The following NWD1 variants were observed in gnomAD, a reference collection of about 807,000 sequenced individuals.
NWD1 encodes NACHT and WD repeat domain containing 1.
NWD1 carries 129 observed loss-of-function variants against 135.1 expected under a neutral mutation model. That is an observed-to-expected ratio of 0.96 (90% CI 0.83 to 1.11). The LOEUF is 1.11. Among genes scored for constraint, NWD1 ranks in the 50% least tolerant of loss-of-function variants. The probability of loss-of-function intolerance (pLI) is 0.00; values close to 1 mark genes in which losing one functional copy is unlikely to be tolerated. For synonymous variants in NWD1, 773 were observed against 786.0 expected, an observed-to-expected ratio of 0.98 and a Z score of 0.28; for missense variants, 1,740 against 1,851.3, an observed-to-expected ratio of 0.94 and a Z score of 1.10.
chr19:16,761,977 A>G lies in NWD1; in HGVS notation c.1974-2A>G. On this transcript the variant is annotated splice_acceptor_variant, in intron 7 of 18. Coordinates refer to ENST00000524140, the MANE Select transcript of NWD1 (RefSeq NM_001007525.5). LOFTEE classifies it high-confidence loss of function. ...CTATCAGTCTGTATACCCTCTCTGT[A>G]GACAGCTGGTCGAGGTGGTCCGTGA... 6.2e-7 allele frequency: 1 copy of G among 1,613,570 alleles called. No individual in the cohort carries two copies. Among genetic ancestry groups the G allele is most frequent in the Non-Finnish European group, 8.5e-7 (1 of 1,179,642 alleles).
chr19:16,815,463 C>T lies in NWD1; in HGVS notation c.*424C>T. ...ATGGCTTCAGATTATGGCTTCAGAC[C>T]TTGTCTCTTCTCATCTTTCCATTAT... is the stretch of plus-strand genomic sequence containing the variant. On this transcript the variant is annotated 3_prime_UTR_variant, in exon 19 of 19. Transcript: ENST00000524140. The T allele has an allele frequency of 5.1e-6, 3 of 591,650 alleles. No homozygotes were observed. Among genetic ancestry groups the T allele is most frequent in the Non-Finnish European group, 9.0e-6 (3 of 334,618 alleles). The allele number at this position is 591,650 out of a possible 1,614,324, so 36.7% of individuals were successfully genotyped here.
chr19:16,807,895 A>C lies in NWD1; in HGVS notation c.4046A>C (p.Glu1349Ala). ...PRYTFYTQLP[E>A]TLSSVAILTD... ...TACACCTTTTACACTCAGCTGCCCG[A>C]GACCCTCTCCAGCGTGGCCATTCTG... Residue 1349 changes from glutamate to alanine, a missense_variant, in exon 18 of 19, where the codon GAG becomes GCG. By Grantham distance (107) the Glu-to-Ala change is moderately radical. Coordinates refer to ENST00000524140, the MANE Select transcript of NWD1 (RefSeq NM_001007525.5). The C allele has an allele frequency of 6.2e-7, 1 of 1,614,150 alleles. No individual in the cohort carries two copies. Among genetic ancestry groups the C allele is most frequent in the Non-Finnish European group, 8.5e-7 (1 of 1,180,038 alleles).
chr19:16,723,627 A>G (rs1044532667), intron 1 of NWD1, among the ~76,000 whole-genome samples: 1 of 152,072 alleles, frequency 6.6e-6, no homozygotes, highest in African/African-American at 2.4e-5. Flanking sequence ...GCTGATTTTA[A>G]TTTATATCCA....
At position 16,749,254 on chromosome 19, in the gene NWD1, C is replaced by A. The variant is rs779967735; in HGVS notation, c.612C>A (p.Ala204=). The part of the protein sequence containing the change: ...DLHKHILEDC[A]LRMVDRLADG... ...ACAAACACATCCTTGAAGACTGCGC[C>A]CTTAGGATGGTGGACCGGCTCGCGG... The change falls in exon 6 of 19, where the codon GCC becomes GCA. Residue 204 remains alanine (A), a synonymous_variant. Transcript: ENST00000524140. 1.2e-6 allele frequency: 2 copies of A among 1,614,060 alleles called. No individual in the cohort carries two copies. The highest frequency in any genetic ancestry group is 1.1e-5 in the South Asian group (1 of 91,082).
At chr19:16,742,842 A>T (rs1169555513) in intron 4 of NWD1, among the ~76,000 whole-genome samples, 2 of 144,604 alleles carry the variant, frequency 1.4e-5, no homozygotes, top group East Asian at 2.0e-4. Flanking sequence ...GGCTATTTTT[A>T]AAAAAATTTT....
intron 14 of NWD1, among the ~76,000 whole-genome samples, chr19:16,793,699 C>A (rs1383859699): frequency 6.6e-6 from 1 of 151,910 alleles, no homozygotes; most frequent in East Asian, 1.9e-4. Context: ...GCCTCCGCCT[C>A]CCCAGTAGCT....
At chr19:16,813,700 C>A (rs1278719439) in intron 18 of NWD1, among the ~76,000 whole-genome samples, 1 of 152,060 alleles carries the variant, frequency 6.6e-6, no homozygotes, top group African/African-American at 2.4e-5. Flanking sequence ...TGGTCTTGAA[C>A]TCCTGACCTT....
intron 12 of NWD1, among the ~76,000 whole-genome samples, chr19:16,788,754 G>A (rs886317985): frequency 3.9e-5 from 6 of 151,990 alleles, no homozygotes; most frequent in Admixed American, 3.3e-4. Flanking sequence ...TCTGTTATTA[G>A]GCATACAAGC....
intron 5 of NWD1, among the ~76,000 whole-genome samples, chr19:16,746,389 A>G (rs1339105551): frequency 7.7e-6 from 1 of 130,204 alleles, no homozygotes; most frequent in Non-Finnish European, 1.7e-5. Flanking sequence ...CAACATAAAC[A>G]GTTGGCCGGG....
rs1426984336 is a variant in NWD1, at chr19:16,750,336, A to G, written c.1694A>G (p.Gln565Arg). The change falls in exon 6 of 19, where the codon CAA (glutamine) becomes CGA (arginine). Residue 565 changes from glutamine to arginine, a missense_variant. Transcript: ENST00000524140. ...LATTAEEATH[Q>R]LCTRLEQTHG... ...ACCACCGCAGAGGAAGCCACGCACC[A>G]ACTCTGCACCCGCCTGGAGCAGACA... 1.2e-6 allele frequency: 2 copies of G among 1,612,720 alleles called. No homozygotes were observed. The highest frequency in any genetic ancestry group is 2.7e-5 in the African/African-American group (2 of 74,878).
At chr19:16,742,072 G>A (rs1457492113) in intron 4 of NWD1, among the ~76,000 whole-genome samples, 1 of 149,376 alleles carries the variant, frequency 6.7e-6, no homozygotes, top group African/African-American at 2.5e-5. Context: ...GAGTGAAACT[G>A]TGTCTCAAAA....
Position 16,776,801 on chromosome 19 carries a change from T to A in NWD1, c.2609-2542T>A, listed in dbSNP as rs181963368. Reference sequence around the variant, plus strand: ...AAAAAAAAAAAAAAAAAAAAGCTGGTCATGGTGGTATGTGCCTATAGTCTC... The same window carrying A: ...AAAAAAAAAAAAAAAAAAAAGCTGGACATGGTGGTATGTGCCTATAGTCTC... On this transcript the variant is annotated intron_variant, in intron 11 of 18. Transcript: ENST00000524140. 5.0e-3 allele frequency among the ~76,000 whole-genome samples: 612 copies of A among 122,816 alleles called. 1 individual carries two copies. The highest frequency in any genetic ancestry group is 8.1e-3 in the Non-Finnish European group (481 of 59,748). 80.6% of individuals were successfully genotyped at this position (122,816 alleles called of 152,430 possible). A position where few individuals can be genotyped will look rare whatever the true frequency, so the allele number is the denominator to read the frequency against.
rs61731252 is a variant in NWD1 at position 16,749,791 on chromosome 19, T to C, written c.1149T>C (p.Arg383=). The C allele has an allele frequency of 0.042, 66,984 of 1,606,124 alleles. 2,129 individuals are homozygous for C. Among genetic ancestry groups the C allele is most frequent in the African/African-American group, 0.17 (12,636 of 74,908 alleles). The part of the protein sequence containing the change: ...LGTSQMSSDA[R]GLLKSICFQV... ...CGTCACAAATGAGCTCAGATGCCCG[T>C]GGCCTGCTGAAGAGCATCTGCTTCC... The change falls in exon 6 of 19, where the codon CGT becomes CGC. Residue 383 remains arginine (R), a synonymous_variant. Coordinates refer to ENST00000524140, the MANE Select transcript of NWD1 (RefSeq NM_001007525.5).
chr19:16,815,335 T>A lies in NWD1; in HGVS notation c.*296T>A, dbSNP rs1383654537. ...AAGTGTGCCTGATAGTGTAAAAAAA[T>A]AAAAATAAAAAAACCCTGTGGGGGT... On this transcript the variant is annotated 3_prime_UTR_variant, in exon 19 of 19. Transcript: ENST00000524140. 6 of 742,292 alleles carry A rather than the reference T, an allele frequency of 8.1e-6. No individual in the cohort carries two copies. Among genetic ancestry groups the A allele is most frequent in the Admixed American group, 2.0e-5 (1 of 49,732 alleles). 46.0% of individuals were successfully genotyped at this position (742,292 alleles called of 1,614,324 possible).
At chr19:16,752,032 G>A (rs1331226857) in intron 6 of NWD1, among the ~76,000 whole-genome samples, 3 of 152,080 alleles carry the variant, frequency 2.0e-5, no homozygotes, top group Non-Finnish European at 4.4e-5. Flanking sequence ...AAGCAGCAGA[G>A]AGGAAGGGGT....
intron 17 of NWD1, among the ~76,000 whole-genome samples, chr19:16,807,169 T>TA (rs1970770606): frequency 8.4e-6 from 1 of 118,378 alleles, no homozygotes. Flanking sequence ...GAATACTGTC[T>TA]CAAAAAAAAA....
chr19:16,762,774 C>T (rs531429518), intron 8 of NWD1, among the ~76,000 whole-genome samples: 2 of 150,982 alleles, frequency 1.3e-5, no homozygotes, highest in African/African-American at 2.4e-5. Flanking sequence ...TTTCTTTTTC[C>T]CTCCCTCGCT....
intron 4 of NWD1, among the ~76,000 whole-genome samples, chr19:16,737,608 G>A (rs1967877515): frequency 6.6e-6 from 1 of 151,418 alleles, no homozygotes; most frequent in South Asian, 2.1e-4. Context: ...TGTTGCCCAG[G>A]CTGGCCTGAG....
chr19:16,739,352 AAAATT>A (rs1568340605), intron 4 of NWD1, among the ~76,000 whole-genome samples: 1 of 149,706 alleles, frequency 6.7e-6, no homozygotes, highest in African/African-American at 2.5e-5. Flanking sequence ...AAAAAAAAAA[AAAATT>A]ATTTTTTTAA....
Sources: allele counts gnomAD v4.1 joint callset (sites outside exome capture counted in the v4.1 genomes callset), GRCh38; gene constraint gnomAD v4.1.1; transcripts MANE v1.5; gene names NCBI Gene and HGNC (gene_info 2026-07-23, HGNC 2026-07-21).